HDAC4: variants seen among roughly 807,000 people sequenced by gnomAD.
The protein encoded by HDAC4 is histone deacetylase A.
A neutral mutation model predicts 135.1 loss-of-function variants in HDAC4; 16 were observed. The observed-to-expected ratio is 0.12, with a 90% CI of 0.08 to 0.18. The LOEUF is 0.18. HDAC4 is among the 10% of genes least tolerant of loss of function. The pLI, the probability that HDAC4 is intolerant of heterozygous loss-of-function variation, is 1.00. For missense variants in HDAC4, 1,143 were observed against 1,511.8 expected, an observed-to-expected ratio of 0.76 and a Z score of 4.05; for synonymous variants, 685 against 653.4, an observed-to-expected ratio of 1.05 and a Z score of -0.74.
At chr2:239,397,657 A>C (rs1295249539) in intron 1 of HDAC4, among the ~76,000 whole-genome samples, 1 of 152,208 alleles carries the variant, frequency 6.6e-6, no homozygotes, top group Non-Finnish European at 1.5e-5. Flanking sequence ...CATGGCCCTC[A>C]TGCCACCCCA....
chr2:239,272,877 C>G (rs1029523642), intron 2 of HDAC4, among the ~76,000 whole-genome samples: 1 of 152,204 alleles, frequency 6.6e-6, no homozygotes, highest in African/African-American at 2.4e-5. Flanking sequence ...GCCCTCTCGT[C>G]CCAAGCTGTC....
At chr2:239,387,960 G>T (rs1695939394) in intron 1 of HDAC4, among the ~76,000 whole-genome samples, 1 of 152,156 alleles carries the variant, frequency 6.6e-6, no homozygotes, top group African/African-American at 2.4e-5. Context: ...TGGGGCCGCA[G>T]TGGCCACAGG....
At chr2:239,181,239 G>A (rs1224803392) in intron 4 of HDAC4, among the ~76,000 whole-genome samples, 1 of 152,236 alleles carries the variant, frequency 6.6e-6, no homozygotes, top group Non-Finnish European at 1.5e-5. Context: ...GGATAGAAGA[G>A]CTGCAGAGGT....
rs901297107 is a variant in HDAC4, at chr2:239,401,019, G to A, written c.-261C>T. The A allele has an allele frequency of 2.6e-5, 4 of 152,680 alleles. No homozygotes were observed. The highest frequency in any genetic ancestry group is 9.6e-5 in the African/African-American group (4 of 41,454). The allele number at this position is 152,680 out of a possible 1,614,324, so 9.5% of individuals were successfully genotyped here. On this transcript the variant is annotated 5_prime_UTR_variant, in exon 1 of 27. Coordinates refer to ENST00000543185, the MANE Select transcript of HDAC4 (RefSeq NM_001378414.1). ...TCTCCCCACTCCAGCGTCGAGCCAG[G>A]CGGCGATAGGCCACCCCGCACGCCC... is the stretch of plus-strand genomic sequence containing the variant.
chr2:239,181,799 G>T (rs1235481451), intron 4 of HDAC4, among the ~76,000 whole-genome samples: 3 of 152,210 alleles, frequency 2.0e-5, no homozygotes, highest in African/African-American at 7.2e-5. Flanking sequence ...TTCCTGTGAG[G>T]ACTGGAAGAG....
chr2:239,145,109 A>G (rs1477035613), intron 7 of HDAC4, among the ~76,000 whole-genome samples: 1 of 152,140 alleles, frequency 6.6e-6, no homozygotes, highest in East Asian at 1.9e-4. Flanking sequence ...GCTCTTCTAG[A>G]TAATACACCC....
At chr2:239,272,225 G>A (rs1052185637) in intron 2 of HDAC4, among the ~76,000 whole-genome samples, 2 of 152,132 alleles carry the variant, frequency 1.3e-5, no homozygotes, top group African/African-American at 4.8e-5. Flanking sequence ...CCCCAAGAGG[G>A]GGCCCACATC....
chr2:239,303,176 G>A lies in HDAC4; in HGVS notation c.22+49502C>T, dbSNP rs550704877. 6.6e-6 allele frequency among the ~76,000 whole-genome samples: 1 copy of A among 152,340 alleles called. No homozygotes were observed. Among genetic ancestry groups the A allele is most frequent in the South Asian group, 2.1e-4 (1 of 4,830 alleles). ...CTCAGGGCGTGAGGCACCTGGCCCT[G>A]GCCTGTTCCCATCCCACACCCGGCT... On this transcript the variant is annotated intron_variant, in intron 2 of 26. Coordinates refer to ENST00000543185, the MANE Select transcript of HDAC4 (RefSeq NM_001378414.1). This position sits in a 1 kb window ranked among gnomAD's most constrained non-coding sequence, Gnocchi z 5.1.
At chr2:239,247,466 G>C (rs1437246894) in intron 2 of HDAC4, among the ~76,000 whole-genome samples, 1 of 152,184 alleles carries the variant, frequency 6.6e-6, no homozygotes, top group African/African-American at 2.4e-5. Context: ...CGTGCGGGGC[G>C]AGAGACTCCC....
At chr2:239,191,145 T>G (rs2044921607) in intron 3 of HDAC4, 1 of 379,692 alleles carries the variant, frequency 2.6e-6, no homozygotes, top group Admixed American at 2.9e-5. Flanking sequence ...AACACTCATG[T>G]GACCTGGGCC....
intron 11 of HDAC4, among the ~76,000 whole-genome samples, chr2:239,127,781 G>A (rs939250858): frequency 6.6e-6 from 1 of 152,194 alleles, no homozygotes; most frequent in Non-Finnish European, 1.5e-5. Context: ...AGGGCTACGG[G>A]ACCTCCAGGG....
chr2:239,111,451 C>A, intron 14 of HDAC4, 75 bp downstream of exon 14: 2 of 1,430,048 alleles, frequency 1.4e-6, no homozygotes, highest in South Asian at 1.2e-5. Context: ...CAGAGCTGGG[C>A]CGGGAAGAGC....
chr2:239,119,199 G>T (rs1193939886), intron 12 of HDAC4, among the ~76,000 whole-genome samples: 1 of 152,164 alleles, frequency 6.6e-6, no homozygotes, highest in African/African-American at 2.4e-5. Context: ...TTGAGAGCGG[G>T]GCCCTTATCA....
intron 5 of HDAC4, among the ~76,000 whole-genome samples, chr2:239,176,142 C>A (rs2043747042): frequency 6.6e-6 from 1 of 152,112 alleles, no homozygotes; most frequent in Non-Finnish European, 1.5e-5. Flanking sequence ...TCCTTCTGCC[C>A]CTCACCTTCC....
At chr2:239,171,690 A>G (rs778862258) in intron 5 of HDAC4, among the ~76,000 whole-genome samples, 2 of 152,206 alleles carry the variant, frequency 1.3e-5, no homozygotes, top group Non-Finnish European at 2.9e-5. Flanking sequence ...AATGAAAGCA[A>G]CTACAGTTAA....
chr2:239,389,392 T>C (rs550430184), intron 1 of HDAC4, among the ~76,000 whole-genome samples: 2 of 152,310 alleles, frequency 1.3e-5, no homozygotes, highest in South Asian at 4.1e-4. Flanking sequence ...GCTTCATTCT[T>C]GAAGTCAGCA....
At chr2:239,318,870 C>G (rs2053207159) in intron 2 of HDAC4, among the ~76,000 whole-genome samples, 1 of 152,080 alleles carries the variant, frequency 6.6e-6, no homozygotes, top group African/African-American at 2.4e-5. Context: ...AAAATATCAA[C>G]AGGGGTAAGT....
At chr2:239,310,209 C>T (rs1424797053) in intron 2 of HDAC4, among the ~76,000 whole-genome samples, 2 of 152,208 alleles carry the variant, frequency 1.3e-5, no homozygotes, top group Non-Finnish European at 2.9e-5. Context: ...TTATTATATA[C>T]AGAATTGCCA....
intron 4 of HDAC4, among the ~76,000 whole-genome samples, chr2:239,181,479 G>C (rs2044148072): frequency 6.6e-6 from 1 of 152,258 alleles, no homozygotes; most frequent in Non-Finnish European, 1.5e-5. Flanking sequence ...GTCAGGGCTA[G>C]CTGCACACAC....
Sources: gnomAD v4.1 joint callset for allele counts (sites outside exome capture counted in the v4.1 genomes callset) on GRCh38, gnomAD v4.1.1 for gene constraint, Gnocchi (gnomAD v3.1) non-coding constraint, MANE v1.5 for transcripts, NCBI Gene and HGNC (gene_info 2026-07-23, HGNC 2026-07-21) for gene names.